EDIL3: variants seen among roughly 807,000 people sequenced by gnomAD.
The protein encoded by EDIL3 is EGF-like repeat and discoidin I-like domain-containing protein 3.
EDIL3 carries 37 observed loss-of-function variants against 67.4 expected under a neutral mutation model. The observed-to-expected ratio is 0.55, with a 90% confidence interval of 0.42 to 0.72. The LOEUF is 0.72. Ranked by LOEUF, EDIL3 falls within the 30% of genes least tolerant of loss-of-function variation. EDIL3 has a pLI of 0.00. For missense variants in EDIL3, 527 were observed against 586.3 expected (o/e 0.90, Z 1.04); for synonymous variants, 195 against 196.3 (o/e 0.99, Z 0.05).
At chr5:84,363,304 A>G (rs1318781931) in intron 1 of EDIL3, among the ~76,000 whole-genome samples, 1 of 151,946 alleles carries the variant, frequency 6.6e-6, no homozygotes, top group Non-Finnish European at 1.5e-5. Context: ...TAAAAATACA[A>G]AAATTAGCTG....
intron 1 of EDIL3, among the ~76,000 whole-genome samples, chr5:84,287,666 T>C (rs905166612): frequency 2.6e-5 from 4 of 152,110 alleles, no homozygotes; most frequent in Non-Finnish European, 4.4e-5. Context: ...ATTCTTGAAA[T>C]CAAAAACGCT....
At chr5:84,230,759 C>T (rs1239270386) in intron 2 of EDIL3, among the ~76,000 whole-genome samples, 9 of 40,972 alleles carry the variant, frequency 2.2e-4, no homozygotes, top group East Asian at 1.5e-3. Context: ...TCTCCCACTA[C>T]GTGATGTGTG....
intron 5 of EDIL3, among the ~76,000 whole-genome samples, chr5:84,124,740 G>A (rs1051054033): frequency 9.2e-5 from 14 of 151,880 alleles, no homozygotes; most frequent in Admixed American, 3.9e-4. Context: ...AGAAGGACAC[G>A]GTTAATAGCT....
chr5:84,257,164 T>C (rs921819683), intron 1 of EDIL3, among the ~76,000 whole-genome samples: 2 of 152,160 alleles, frequency 1.3e-5, no homozygotes, highest in Non-Finnish European at 1.5e-5. Context: ...GGAGAGTGCC[T>C]TAAGAATCCT....
intron 3 of EDIL3, among the ~76,000 whole-genome samples, chr5:84,192,088 A>T (rs1743602002): frequency 6.6e-6 from 1 of 151,064 alleles, no homozygotes; most frequent in Non-Finnish European, 1.5e-5. Context: ...AAAAAGATTA[A>T]TTGAAGTATT....
intron 9 of EDIL3, among the ~76,000 whole-genome samples, chr5:84,040,299 A>G (rs1013826291): frequency 6.6e-6 from 1 of 152,090 alleles, no homozygotes; most frequent in African/African-American, 2.4e-5. Context: ...TACTTTACCC[A>G]AGGCCTCTTT....
intron 1 of EDIL3, among the ~76,000 whole-genome samples, chr5:84,345,892 G>T (rs1284623847): frequency 6.6e-6 from 1 of 152,002 alleles, no homozygotes; most frequent in East Asian, 1.9e-4. Context: ...TAAAACATAT[G>T]GGAGACTCTC....
chr5:84,108,675 GATGAC>G (rs1747505845), intron 5 of EDIL3, among the ~76,000 whole-genome samples: 1 of 152,164 alleles, frequency 6.6e-6, no homozygotes, highest in Non-Finnish European at 1.5e-5. Flanking sequence ...AAACTTTCAT[GATGAC>G]ACTGTGACTT....
intron 5 of EDIL3, among the ~76,000 whole-genome samples, chr5:84,116,322 G>A (rs1333504223): frequency 3.3e-5 from 5 of 152,034 alleles, no homozygotes; most frequent in Non-Finnish European, 4.4e-5. Flanking sequence ...AGAGCAAAAT[G>A]GAGCCTAGAA....
intron 6 of EDIL3, among the ~76,000 whole-genome samples, chr5:84,067,634 T>C (rs1746668017): frequency 6.6e-6 from 1 of 152,170 alleles, no homozygotes; most frequent in South Asian, 2.1e-4. Flanking sequence ...ATGTAAGTGA[T>C]TAGAGTTTTC....
chr5:84,307,081 T>C (rs913409837), intron 1 of EDIL3, among the ~76,000 whole-genome samples: 1 of 152,162 alleles, frequency 6.6e-6, no homozygotes, highest in African/African-American at 2.4e-5. Context: ...ACAAAAGATA[T>C]ATGATCTAGT....
At chr5:84,252,774 T>C (rs1420634185) in intron 2 of EDIL3, among the ~76,000 whole-genome samples, 1 of 152,104 alleles carries the variant, frequency 6.6e-6, no homozygotes, top group African/African-American at 2.4e-5. Context: ...CATTAAACTC[T>C]GAAACTCAAA....
intron 1 of EDIL3, among the ~76,000 whole-genome samples, chr5:84,340,936 C>A (rs1188768601): frequency 1.3e-5 from 2 of 151,850 alleles, no homozygotes; most frequent in African/African-American, 4.8e-5. Context: ...CCAAACTCCT[C>A]CCCTGCCACC....
Position 84,118,833 on chromosome 5 carries a change from A to G in EDIL3, c.470-12003T>C, listed in dbSNP as rs774209092. Among the ~76,000 whole-genome samples, 6 of 152,162 alleles carry G rather than the reference A, an allele frequency of 3.9e-5. No individual in the cohort carries two copies. The South Asian group carries it at 1.2e-3, about 32-fold the overall frequency. ...TTTAAAAATTCCAATGCCAGGCCACATCTCATACAGTACCAATTCAATTAG... is the reference window on the plus strand; with the variant it reads ...TTTAAAAATTCCAATGCCAGGCCACGTCTCATACAGTACCAATTCAATTAG... On this transcript the variant is annotated intron_variant, in intron 5 of 10. Transcript: ENST00000296591.
At chr5:84,118,008 AT>A (rs138438873) in intron 5 of EDIL3, among the ~76,000 whole-genome samples, 4,830 of 152,218 alleles carry the variant, frequency 0.032, 242 homozygotes, top group African/African-American at 0.11. Flanking sequence ...GTAAATGGAT[AT>A]TTTTTAACTT....
chr5:84,377,308 A>C (rs1747988396), intron 1 of EDIL3, among the ~76,000 whole-genome samples: 1 of 113,362 alleles, frequency 8.8e-6, no homozygotes, highest in Non-Finnish European at 1.9e-5. Flanking sequence ...ACTCCGTCTC[A>C]AAAAAAAAAA....
In EDIL3 at chr5:84,358,712, C is replaced by G. The variant is rs547525957; in HGVS notation, c.67+25596G>C. On this transcript the variant is annotated intron_variant, in intron 1 of 10. Coordinates refer to ENST00000296591, the MANE Select transcript of EDIL3 (RefSeq NM_005711.5). ...TCTGCCTCCTAGGTTCAGGTTCACACCATTCTCCTGCCTCAGCCTCCCGAG... is the reference window on the plus strand; with the variant it reads ...TCTGCCTCCTAGGTTCAGGTTCACAGCATTCTCCTGCCTCAGCCTCCCGAG... Among the ~76,000 whole-genome samples, 697 of 147,648 alleles carry G rather than the reference C, an allele frequency of 4.7e-3. 4 individuals are homozygous for G. The highest frequency in any genetic ancestry group is 5.4e-3 in the Non-Finnish European group (364 of 67,240).
At chr5:84,207,504 T>C (rs1744008354) in intron 3 of EDIL3, among the ~76,000 whole-genome samples, 1 of 152,166 alleles carries the variant, frequency 6.6e-6, no homozygotes, top group Admixed American at 6.5e-5. Context: ...GCCATCCCCA[T>C]CAAGCTACCA....
At chr5:84,004,329 A>T (rs908613752) in intron 9 of EDIL3, among the ~76,000 whole-genome samples, 16 of 152,172 alleles carry the variant, frequency 1.1e-4, no homozygotes, top group African/African-American at 3.9e-4. Flanking sequence ...TGGACCTAAC[A>T]GACAACTGTA....
Sources: gnomAD v4.1 joint callset for allele counts (sites outside exome capture counted in the v4.1 genomes callset) on GRCh38, gnomAD v4.1.1 for gene constraint, MANE v1.5 for transcripts, NCBI Gene and HGNC (gene_info 2026-07-23, HGNC 2026-07-21) for gene names.